Variants in PRICKLE1 observed in about 807,000 individuals in gnomAD.
PRICKLE1 encodes the protein prickle planar cell polarity protein 1, also known as prickle-like protein 1.
PRICKLE1 carries 14 observed loss-of-function variants against 70.2 expected under a neutral mutation model. That is an observed-to-expected ratio of 0.20 (90% CI 0.13 to 0.31). The LOEUF is 0.31. Among genes scored for constraint, PRICKLE1 ranks in the 10% least tolerant of loss-of-function variants. The probability of loss-of-function intolerance (pLI) is 1.00; values close to 1 mark genes in which losing one functional copy is unlikely to be tolerated. For synonymous variants in PRICKLE1, 357 were observed against 379.9 expected (o/e 0.94, Z 0.70); for missense variants, 821 against 1,026.2 (o/e 0.80, Z 2.73).
At chr12:42,565,130 G>A (rs1453798024) in intron 1 of PRICKLE1, among the ~76,000 whole-genome samples, 1 of 152,236 alleles carries the variant, frequency 6.6e-6, no homozygotes, top group Non-Finnish European at 1.5e-5. Flanking sequence ...AATTCCCAGA[G>A]TTCTGGGAGC....
chr12:42,472,413 C>A lies in PRICKLE1; in HGVS notation c.104G>T (p.Trp35Leu), dbSNP rs1938361354. ...DSGCALEEYA[W>L]VPPGLRPEQI... Reference sequence around the variant, plus strand: ...CTCTGGTCTCAGGCCCGGGGGGACCCAGGCGTACTCCTCCAATGCACAGCC... The same window carrying A: ...CTCTGGTCTCAGGCCCGGGGGGACCAAGGCGTACTCCTCCAATGCACAGCC... The change falls in exon 2 of 8, where the codon TGG becomes TTG. Residue 35 changes from tryptophan (W) to leucine (L), a missense_variant. Transcript: ENST00000345127. 6.2e-7 allele frequency: 1 copy of A among 1,614,000 alleles called. No individual in the cohort carries two copies. Among genetic ancestry groups the A allele is most frequent in the Non-Finnish European group, 8.5e-7 (1 of 1,180,032 alleles).
chr12:42,571,378 A>C (rs1940710254), intron 1 of PRICKLE1, among the ~76,000 whole-genome samples: 2 of 152,240 alleles, frequency 1.3e-5, no homozygotes, highest in Admixed American at 1.3e-4. Context: ...CTCCTCCAAG[A>C]GAATACAAAA....
chr12:42,505,994 T>A (rs971870800), intron 1 of PRICKLE1, among the ~76,000 whole-genome samples: 3 of 152,168 alleles, frequency 2.0e-5, no homozygotes, highest in Non-Finnish European at 4.4e-5. Context: ...CCTAAAAAAG[T>A]GGTAACGTTG....
chr12:42,560,103 A>AATTATTATTATTATTATT (rs35742688), intron 1 of PRICKLE1, among the ~76,000 whole-genome samples: 1 of 139,894 alleles, frequency 7.1e-6, no homozygotes, highest in African/African-American at 2.6e-5. Flanking sequence ...AATCTCCTTT[A>AATTATTATTATTATTATT]ATTATTATTA....
At chr12:42,463,838 A>G (rs1000804668) in intron 7 of PRICKLE1, 61 of 174,412 alleles carry the variant, frequency 3.5e-4, no homozygotes, top group Non-Finnish European at 3.6e-4. Context: ...TCCTTCCTCC[A>G]ATCAATTTCC....
chr12:42,478,730 T>C (rs1938672158), intron 1 of PRICKLE1, among the ~76,000 whole-genome samples: 1 of 151,822 alleles, frequency 6.6e-6, no homozygotes, highest in Non-Finnish European at 1.5e-5. Context: ...GATACTCTTT[T>C]TTTTTTTTTT....
intron 1 of PRICKLE1, among the ~76,000 whole-genome samples, chr12:42,474,530 C>G (rs61924371): frequency 1.3e-5 from 2 of 152,188 alleles, no homozygotes; most frequent in African/African-American, 2.4e-5. Context: ...ACCTTTTAAA[C>G]AAGGCATCAT....
chr12:42,566,125 T>C (rs1940617570), intron 1 of PRICKLE1, among the ~76,000 whole-genome samples: 1 of 152,138 alleles, frequency 6.6e-6, no homozygotes, highest in Non-Finnish European at 1.5e-5. Flanking sequence ...TGTGGTATCA[T>C]GAGATCCTCA....
At chr12:42,471,050 A>C (rs1048823697) in intron 2 of PRICKLE1, among the ~76,000 whole-genome samples, 18 of 152,240 alleles carry the variant, frequency 1.2e-4, no homozygotes, top group Admixed American at 9.2e-4. Flanking sequence ...CTACACGAAC[A>C]CATTTAATTT....
chr12:42,580,566 T>C (rs933612012), intron 1 of PRICKLE1, among the ~76,000 whole-genome samples: 8 of 152,178 alleles, frequency 5.3e-5, no homozygotes, highest in African/African-American at 1.9e-4. Flanking sequence ...GTGCGAGAGG[T>C]GTTTGCAAGT....
intron 5 of PRICKLE1, among the ~76,000 whole-genome samples, chr12:42,468,306 A>G (rs12231335): frequency 0.33 from 49,698 of 152,058 alleles, 8,568 homozygotes; most frequent in Non-Finnish European, 0.38. Context: ...ACCATCTACT[A>G]CATGCTCTTC....
At chr12:42,567,250 T>C (rs979781824) in intron 1 of PRICKLE1, among the ~76,000 whole-genome samples, 1 of 152,204 alleles carries the variant, frequency 6.6e-6, no homozygotes, top group East Asian at 1.9e-4. Context: ...AAGAGCAGGA[T>C]ACTCTTTTCA....
chr12:42,518,863 T>TAAGTG (rs1349578206), intron 1 of PRICKLE1, among the ~76,000 whole-genome samples: 10 of 152,200 alleles, frequency 6.6e-5, no homozygotes, highest in Non-Finnish European at 1.5e-4. Flanking sequence ...ATTACACTTA[T>TAAGTG]TAATTAGATT....
intron 1 of PRICKLE1, among the ~76,000 whole-genome samples, chr12:42,515,513 G>C (rs113078018): frequency 1.3e-5 from 2 of 152,154 alleles, no homozygotes; most frequent in African/African-American, 4.8e-5. Flanking sequence ...GATTACAGAC[G>C]TGAGCCACCG....
intron 1 of PRICKLE1, among the ~76,000 whole-genome samples, chr12:42,569,758 C>G (rs1231204407): frequency 6.6e-6 from 1 of 152,178 alleles, no homozygotes; most frequent in African/African-American, 2.4e-5. Flanking sequence ...GTGACATAAT[C>G]TCTGGAACAG....
rs530571682 is a variant in PRICKLE1, at chr12:42,557,750, A to G, written c.-49+31715T>C. ...TGTTTTTATAAAACTGGCAAATCAAATTTTAGGTTTCATGACTGTTTTATG... is the reference window on the plus strand; with the variant it reads ...TGTTTTTATAAAACTGGCAAATCAAGTTTTAGGTTTCATGACTGTTTTATG... On this transcript the variant is annotated intron_variant, in intron 1 of 7. Coordinates refer to ENST00000345127, the MANE Select transcript of PRICKLE1 (RefSeq NM_153026.3). Among the ~76,000 whole-genome samples, 6 of 152,248 alleles carry G rather than the reference A, an allele frequency of 3.9e-5. No individual in the cohort carries two copies. The South Asian group carries it at 1.0e-3, about 26-fold the overall frequency.
intron 1 of PRICKLE1, among the ~76,000 whole-genome samples, chr12:42,474,553 C>T (rs752098836): frequency 4.6e-5 from 7 of 152,192 alleles, no homozygotes; most frequent in Non-Finnish European, 1.0e-4. Context: ...CACACAGGTG[C>T]GACTCATTCA....
intron 1 of PRICKLE1, among the ~76,000 whole-genome samples, chr12:42,536,925 A>G (rs1940025030): frequency 6.6e-6 from 1 of 152,178 alleles, no homozygotes; most frequent in African/African-American, 2.4e-5. Flanking sequence ...GGTTACTGGT[A>G]CGTATACATA....
chr12:42,478,117 T>C (rs1054264997), intron 1 of PRICKLE1, among the ~76,000 whole-genome samples: 8 of 151,838 alleles, frequency 5.3e-5, no homozygotes, highest in African/African-American at 1.9e-4. Context: ...TCCCTCTCCC[T>C]CTTTCTCTCT....
Sources: allele counts gnomAD v4.1 joint callset (sites outside exome capture counted in the v4.1 genomes callset), GRCh38; gene constraint gnomAD v4.1.1; transcripts MANE v1.5; gene names NCBI Gene and HGNC (gene_info 2026-07-23, HGNC 2026-07-21).